SMARCA2: variants seen among roughly 807,000 people sequenced by gnomAD.
SMARCA2 encodes the protein SWI/SNF-related matrix-associated actin-dependent regulator of chromatin subfamily A member 2.
A neutral mutation model predicts 199.8 loss-of-function variants in SMARCA2; 61 were observed. The ratio of observed to expected loss-of-function variants is 0.31; its 90% CI spans 0.25 to 0.38. The LOEUF (loss-of-function observed/expected upper bound fraction) is 0.38. Ranked by LOEUF, SMARCA2 falls within the 10% of genes least tolerant of loss-of-function variation. The pLI is 1.00. For missense variants in SMARCA2, 1,344 were observed against 2,012.2 expected, an observed-to-expected ratio of 0.67 and a Z score of 6.35; for synonymous variants, 935 against 732.0, an observed-to-expected ratio of 1.28 and a Z score of -4.48.
At chr9:2,083,056 C>G (rs1160421796) in intron 15 of SMARCA2, among the ~76,000 whole-genome samples, 1 of 152,058 alleles carries the variant, frequency 6.6e-6, no homozygotes, top group African/African-American at 2.4e-5. Context: ...CTGGCAATTG[C>G]TCTTTTTTAA....
At chr9:2,088,281 C>T (rs1821889738) in intron 18 of SMARCA2, among the ~76,000 whole-genome samples, 1 of 152,168 alleles carries the variant, frequency 6.6e-6, no homozygotes, top group African/African-American at 2.4e-5. Context: ...CCATAGAACT[C>T]AGCGTTAAGA....
chr9:2,141,172 A>G (rs570106937), intron 27 of SMARCA2, among the ~76,000 whole-genome samples: 2 of 118,434 alleles, frequency 1.7e-5, no homozygotes, highest in African/African-American at 3.4e-5. Context: ...TCCTGAGCCA[A>G]ATTAGACCCT....
intron 27 of SMARCA2, chr9:2,159,627 A>C: frequency 3.3e-6 from 2 of 600,118 alleles, no homozygotes; most frequent in African/African-American, 3.7e-5. Flanking sequence ...AAGGGGAAAA[A>C]AATATGATAA....
intron 3 of SMARCA2, among the ~76,000 whole-genome samples, chr9:2,034,691 A>G (rs1003423111): frequency 6.6e-6 from 1 of 152,230 alleles, no homozygotes; most frequent in African/African-American, 2.4e-5. Context: ...AGAGAAGTCT[A>G]TGCACAGTTG....
intron 9 of SMARCA2, among the ~76,000 whole-genome samples, chr9:2,069,430 T>G (rs372380889): frequency 9.0e-4 from 136 of 151,234 alleles, no homozygotes; most frequent in South Asian, 2.7e-3. Flanking sequence ...GTGGTGGCGG[T>G]CGCCTGTAGT....
intron 29 of SMARCA2, 137 bp from the exon 30 acceptor site, chr9:2,181,434 T>C: frequency 1.6e-6 from 1 of 613,336 alleles, no homozygotes; most frequent in Non-Finnish European, 3.0e-6. Context: ...TTGTGGGATT[T>C]TTCCTGACTT....
intron 4 of SMARCA2, chr9:2,045,592 C>T (rs1819801405): frequency 6.6e-6 from 1 of 151,752 alleles, no homozygotes; most frequent in Admixed American, 6.6e-5. Context: ...ACATAAAGGA[C>T]CTTTTATACA....
intron 1 of SMARCA2, among the ~76,000 whole-genome samples, chr9:2,026,243 G>T (rs1818825847): frequency 6.6e-6 from 1 of 152,298 alleles, no homozygotes; most frequent in South Asian, 2.1e-4. Context: ...TTCTTCATTT[G>T]TTAAACTGTA....
At position 2,042,693 on chromosome 9, in the gene SMARCA2, CATCTTTCGTCA is replaced by C. The variant is rs1291780755; in HGVS notation, c.790+2794_790+2804del. 2.7e-5 allele frequency: 4 copies of C among 150,926 alleles called. No individual in the cohort carries two copies. In the East Asian group the frequency reaches 7.7e-4, roughly 29 times the overall value. The allele number at this position is 150,926 out of a possible 1,614,324, so 9.3% of individuals were successfully genotyped here. A position where few individuals can be genotyped will look rare whatever the true frequency, so the allele number is the denominator to read the frequency against. On this transcript the variant is annotated intron_variant, in intron 4 of 33. Coordinates refer to ENST00000349721, the MANE Select transcript of SMARCA2 (RefSeq NM_003070.5). Reference sequence around the variant, plus strand: ...TTTTTTAACCTGGCTCCGGTACCTACATCTTTCGTCATCAGGTGCCTGTCATTAAAGGGAAT... The same window carrying C: ...TTTTTTAACCTGGCTCCGGTACCTACTCAGGTGCCTGTCATTAAAGGGAAT...
chr9:2,177,837 C>G (rs570558950), intron 29 of SMARCA2, among the ~76,000 whole-genome samples: 1 of 152,364 alleles, frequency 6.6e-6, no homozygotes, highest in Non-Finnish European at 1.5e-5. Context: ...CAGGCATGAG[C>G]CACCGTGCCC....
At chr9:2,043,841 G>A in intron 4 of SMARCA2, 1 of 152,162 alleles carries the variant, frequency 6.6e-6, no homozygotes, top group East Asian at 1.9e-4. Context: ...CCTTCTGGAG[G>A]GCCAGAGTTT....
At chr9:2,040,521 A>T (rs903114079) in intron 4 of SMARCA2, 4 of 153,162 alleles carry the variant, frequency 2.6e-5, no homozygotes, top group Non-Finnish European at 2.9e-5. Context: ...AAAAGGAGAC[A>T]AAGTCCTGTA....
intron 27 of SMARCA2, among the ~76,000 whole-genome samples, chr9:2,153,159 GT>G (rs1192203806): frequency 6.6e-6 from 1 of 152,200 alleles, no homozygotes; most frequent in African/African-American, 2.4e-5. Flanking sequence ...AAATTTAGGA[GT>G]ATGGCAGTTT....
rs150972613 is a variant in SMARCA2, at chr9:2,106,290, T to G, written c.3292+2121T>G. ...CCCATCTCTGAAAATACAGGCTTCTTCTCTAGCTACAACATTTTAAGAATG... is the reference window on the plus strand; with the variant it reads ...CCCATCTCTGAAAATACAGGCTTCTGCTCTAGCTACAACATTTTAAGAATG... On this transcript the variant is annotated intron_variant, in intron 23 of 33. Transcript: ENST00000349721. Among the ~76,000 whole-genome samples the G allele has an allele frequency of 9.6e-4, 146 of 152,266 alleles. 1 individual carries two copies. The highest frequency in any genetic ancestry group is 3.0e-3 in the African/African-American group (124 of 41,548).
At chr9:2,188,567 A>C (rs956010431) in intron 32 of SMARCA2, among the ~76,000 whole-genome samples, 1 of 152,178 alleles carries the variant, frequency 6.6e-6, no homozygotes, top group Admixed American at 6.5e-5. Flanking sequence ...CCAGATTTCT[A>C]ATCTGTTTTC....
chr9:2,145,787 G>A (rs1485525845), intron 27 of SMARCA2, among the ~76,000 whole-genome samples: 1 of 152,120 alleles, frequency 6.6e-6, no homozygotes, highest in Admixed American at 6.5e-5. Flanking sequence ...ACTGTGCTAT[G>A]TACTCTAGGG....
intron 31 of SMARCA2, 73 bp downstream of exon 31, chr9:2,182,315 C>A: frequency 3.5e-6 from 3 of 869,238 alleles, no homozygotes; most frequent in South Asian, 1.5e-5. Flanking sequence ...TAGAATATTT[C>A]ATTTTCTACC....
chr9:2,134,304 A>G (rs562949475), intron 27 of SMARCA2, among the ~76,000 whole-genome samples: 1 of 152,242 alleles, frequency 6.6e-6, no homozygotes, highest in Non-Finnish European at 1.5e-5. Flanking sequence ...TATTCATCTC[A>G]AGCACTCCAG....
chr9:2,089,768 T>C (rs1223283895), intron 19 of SMARCA2, among the ~76,000 whole-genome samples: 1 of 152,204 alleles, frequency 6.6e-6, no homozygotes, highest in Non-Finnish European at 1.5e-5. Flanking sequence ...GTTTAGTTAC[T>C]GAGTAGATAA....
Sources: allele counts gnomAD v4.1 joint callset (sites outside exome capture counted in the v4.1 genomes callset), GRCh38; gene constraint gnomAD v4.1.1; transcripts MANE v1.5; gene names NCBI Gene and HGNC (gene_info 2026-07-23, HGNC 2026-07-21).